SP110: variants seen among roughly 807,000 people sequenced by gnomAD.
SP110 encodes interferon-induced protein 41, 30kD.
A neutral mutation model predicts 92.7 loss-of-function variants in SP110; 62 were observed. That is an observed-to-expected ratio of 0.67 (90% CI 0.55 to 0.83). The LOEUF is 0.83. Among genes scored for constraint, SP110 ranks in the 40% least tolerant of loss-of-function variants. The pLI is 0.00. For synonymous variants in SP110, 273 were observed against 305.3 expected (o/e 0.89, Z 1.10); for missense variants, 793 against 863.9 (o/e 0.92, Z 1.03).
At chr2:230,181,596 A>C (rs12618921) in intron 12 of SP110, among the ~76,000 whole-genome samples, 12,455 of 152,242 alleles carry the variant, frequency 0.082, 667 homozygotes, top group South Asian at 0.25. Context: ...AACTTAAACA[A>C]ATTTACAAGA....
chr2:230,192,406 C>A (rs1428734843), intron 10 of SP110, among the ~76,000 whole-genome samples: 1 of 152,188 alleles, frequency 6.6e-6, no homozygotes. Flanking sequence ...AGCCCAAAAA[C>A]TTCTCGAACT....
intron 7 of SP110, among the ~76,000 whole-genome samples, chr2:230,208,994 T>C (rs948567090): frequency 6.6e-6 from 1 of 152,192 alleles, no homozygotes; most frequent in African/African-American, 2.4e-5. Context: ...AGTGGACTGG[T>C]GATCCAAATG....
At position 230,209,998 on chromosome 2, in the gene SP110, A is replaced by G. The variant is rs1039415543; in HGVS notation, c.762T>C (p.Asp254=). Residue 254 remains aspartate, a synonymous_variant, in exon 7 of 19, where the codon GAT becomes GAC. Coordinates refer to ENST00000258381, the MANE Select transcript of SP110 (RefSeq NM_080424.4). Reference sequence around the variant, plus strand: ...CTGGGTCATTTGGTTCTGGAGAATTATCTCTTATCTCTGACAAAAGAAATA... The same window carrying G: ...CTGGGTCATTTGGTTCTGGAGAATTGTCTCTTATCTCTGACAAAAGAAATA... ...SPLGSMPEIR[D]NSPEPNDPEE... is the part of the protein sequence containing the mutation. 1.9e-6 allele frequency: 3 copies of G among 1,593,554 alleles called. No individual in the cohort carries two copies. Among genetic ancestry groups the G allele is most frequent in the Non-Finnish European group, 2.6e-6 (3 of 1,161,264 alleles).
chr2:230,190,919 C>G (rs1487799101), intron 10 of SP110, among the ~76,000 whole-genome samples: 1 of 152,142 alleles, frequency 6.6e-6, no homozygotes, highest in Non-Finnish European at 1.5e-5. Flanking sequence ...GTCTATATGT[C>G]TGTTTTGGTA....
In SP110 at chr2:230,211,320, C is replaced by G; in HGVS notation, c.751+150G>C. ...TCAGAGGTCGGGTCTCCTGCCTGTT[C>G]AAGCTCCCAAGTGCTGGGTGAACTG... On this transcript the variant is annotated intron_variant, in intron 6 of 18. Transcript: ENST00000258381. This position sits in a 1 kb window ranked among gnomAD's most constrained non-coding sequence, Gnocchi z 4.2. 1.4e-6 allele frequency: 1 copy of G among 695,592 alleles called. No homozygotes were observed. The highest frequency in any genetic ancestry group is 2.6e-6 in the Non-Finnish European group (1 of 380,666). The allele number at this position is 695,592 out of a possible 1,614,324, so 43.1% of individuals were successfully genotyped here. A position where few individuals can be genotyped will look rare whatever the true frequency, so the allele number is the denominator to read the frequency against.
intron 11 of SP110, among the ~76,000 whole-genome samples, chr2:230,184,953 C>A (rs2042288595): frequency 6.6e-6 from 1 of 152,170 alleles, no homozygotes; most frequent in Non-Finnish European, 1.5e-5. Flanking sequence ...TACAGCCACG[C>A]CCATTTGTTT....
intron 2 of SP110, among the ~76,000 whole-genome samples, chr2:230,215,622 G>A (rs1312823665): frequency 6.6e-6 from 1 of 152,176 alleles, no homozygotes; most frequent in Non-Finnish European, 1.5e-5. Context: ...AATTTTCCTT[G>A]CCTAGAGGAT....
At position 230,219,974 on chromosome 2, in the gene SP110, A is replaced by G; in HGVS notation, c.-102T>C. On this transcript the variant is annotated 5_prime_UTR_variant, in exon 1 of 19. Coordinates refer to ENST00000258381, the MANE Select transcript of SP110 (RefSeq NM_080424.4). Reference sequence around the variant, plus strand: ...ACAGGGAGATGCTAGCAGGCAAAACAGGAAGTCTGTGCTTTGACAAACGCA... The same window carrying G: ...ACAGGGAGATGCTAGCAGGCAAAACGGGAAGTCTGTGCTTTGACAAACGCA... The G allele has an allele frequency of 1.0e-6, 1 of 985,614 alleles. No homozygotes were observed. 61.1% of individuals were successfully genotyped at this position (985,614 alleles called of 1,614,324 possible). A position where few individuals can be genotyped will look rare whatever the true frequency, so the allele number is the denominator to read the frequency against.
chr2:230,188,037 G>A (rs2042436432), intron 10 of SP110, among the ~76,000 whole-genome samples: 2 of 151,996 alleles, frequency 1.3e-5, no homozygotes, highest in Non-Finnish European at 2.9e-5. Context: ...AAATGATGTT[G>A]ATATTTGATA....
At chr2:230,201,061 T>G in intron 9 of SP110, 96 bp from the exon 10 acceptor site, 1 of 921,506 alleles carries the variant, frequency 1.1e-6, no homozygotes, top group Non-Finnish European at 1.8e-6. Flanking sequence ...TGAAGTTGAG[T>G]CTTGGAGGCT....
chr2:230,176,739 G>A lies in SP110; in HGVS notation c.1590+799C>T, dbSNP rs200903357. ...AAAAGTCCACTCTGAAAGACAGAAG[G>A]AGTCAATGAATGAGGTTATTCTGGA... On this transcript the variant is annotated intron_variant, in intron 14 of 18. Transcript: ENST00000258381. The A allele has an allele frequency of 3.1e-6, 5 of 1,613,810 alleles. No individual in the cohort carries two copies. The African/African-American group carries it at 6.7e-5, about 22-fold the overall frequency.
At chr2:230,221,894 ACAG>A, upstream of SP110, 1 of 653,620 alleles carries the variant, frequency 1.5e-6, no homozygotes, top group Middle Eastern at 2.5e-4. Context: ...TGAAAAAAAG[ACAG>A]CTGCGAATGA....
chr2:230,177,360 T>C (rs138524799), intron 14 of SP110, 178 bp downstream of exon 14: 226 of 723,824 alleles, frequency 3.1e-4, no homozygotes, highest in Non-Finnish European at 5.3e-4. Flanking sequence ...TTCTCCACCA[T>C]CAGGAACAAT....
intron 2 of SP110, among the ~76,000 whole-genome samples, chr2:230,216,098 C>T (rs1236101030): frequency 6.6e-6 from 1 of 152,194 alleles, no homozygotes; most frequent in Non-Finnish European, 1.5e-5. Context: ...CAGTGCCTGC[C>T]TGTCTCACAT....
intron 10 of SP110, among the ~76,000 whole-genome samples, chr2:230,192,971 GTGT>G (rs1377787300): frequency 2.6e-5 from 4 of 152,112 alleles, no homozygotes; most frequent in Non-Finnish European, 5.9e-5. Flanking sequence ...CACTATTATT[GTGT>G]TGTTGTCTTA....
chr2:230,223,903 G>A (rs527328008), upstream of SP110, among the ~76,000 whole-genome samples: 1 of 152,168 alleles, frequency 6.6e-6, no homozygotes, highest in Non-Finnish European at 1.5e-5. Flanking sequence ...TCTGGATGGG[G>A]GAACAGAGCC....
intron 3 of SP110, chr2:230,214,184 T>C (rs1439844874): frequency 6.6e-6 from 1 of 152,326 alleles, no homozygotes; most frequent in African/African-American, 2.4e-5. Flanking sequence ...CTGTTCTTTT[T>C]CCTACTCCTT....
chr2:230,211,676 G>A lies in SP110; in HGVS notation c.668-123C>T. The A allele has an allele frequency of 1.4e-6, 1 of 717,334 alleles. No homozygotes were observed. The highest frequency in any genetic ancestry group is 2.5e-6 in the Non-Finnish European group (1 of 393,476). The allele number at this position is 717,334 out of a possible 1,614,324, so 44.4% of individuals were successfully genotyped here. ...CGGGGTAACAGCAACCAAGGCCTGG[G>A]AAAGGATGGCATAGAGTGGGAAAGT... On this transcript the variant is annotated intron_variant, in intron 5 of 18. Transcript: ENST00000258381. This position sits in a 1 kb window ranked among gnomAD's most constrained non-coding sequence, Gnocchi z 4.2.
rs754038132 is a variant in SP110, at chr2:230,211,550, G to A, written c.671C>T (p.Ala224Val). Residue 224 changes from alanine (A) to valine (V), a missense_variant, in exon 6 of 19, where the codon GCC becomes GTC. By Grantham distance (64) the Ala-to-Val change is moderately conservative. Coordinates refer to ENST00000258381, the MANE Select transcript of SP110 (RefSeq NM_080424.4). The surrounding 1 kb of genome is among the most constrained non-coding windows in gnomAD (Gnocchi z 4.2). ...TATTTGGGGGATCAGGTTGTCACTG[G>A]CCACTGAATGGAGGAAGAAAAAGTT... ...PSLLTSTVQV[A>V]SDNLIPQIRD... 4 of 1,596,428 alleles carry A rather than the reference G, an allele frequency of 2.5e-6. No individual in the cohort carries two copies. Among genetic ancestry groups the A allele is most frequent in the Admixed American group, 3.3e-5 (2 of 59,994 alleles).
Sources: allele counts gnomAD v4.1 joint callset (sites outside exome capture counted in the v4.1 genomes callset), GRCh38; gene constraint gnomAD v4.1.1; non-coding constraint Gnocchi (gnomAD v3.1); transcripts MANE v1.5; gene names NCBI Gene and HGNC (gene_info 2026-07-23, HGNC 2026-07-21).